Variants in SYBU observed in about 807,000 individuals in gnomAD.
SYBU encodes syntabulin.
A neutral mutation model predicts 35.9 loss-of-function variants in SYBU; 21 were observed. That is an observed-to-expected ratio of 0.58 (90% CI 0.41 to 0.84). The LOEUF is 0.84. Among genes scored for constraint, SYBU ranks in the 40% least tolerant of loss-of-function variants. The probability of loss-of-function intolerance (pLI) is 0.00; values close to 1 mark genes in which losing one functional copy is unlikely to be tolerated. For missense variants in SYBU, 768 were observed against 848.2 expected (o/e 0.91, Z 1.17); for synonymous variants, 319 against 324.3 (o/e 0.98, Z 0.18).
chr8:109,581,326 C>G (rs541403814), intron 4 of SYBU, among the ~76,000 whole-genome samples: 1 of 152,258 alleles, frequency 6.6e-6, no homozygotes, highest in Non-Finnish European at 1.5e-5. Context: ...ACATGGGGAT[C>G]AAAACACACA....
At position 109,586,116 on chromosome 8, in the gene SYBU, G is replaced by A. The variant is rs761320422; in HGVS notation, c.474C>T (p.Ser158=). The change falls in exon 4 of 7, where the codon TCC becomes TCT. Residue 158 remains serine (S), a synonymous_variant. Coordinates refer to ENST00000276646, the MANE Select transcript of SYBU (RefSeq NM_001099754.2). ...FSSSSSTGSI[S]APEVHMSTAG... is the part of the protein sequence containing the mutation. ...CAGTCGACATATGGACCTCAGGAGCGGAAATGCTGCCTGTGCTGCTCGAGG... is the reference window on the plus strand; with the variant it reads ...CAGTCGACATATGGACCTCAGGAGCAGAAATGCTGCCTGTGCTGCTCGAGG... 4.2e-5 allele frequency: 67 copies of A among 1,611,840 alleles called. No individual in the cohort carries two copies. In the South Asian group the frequency reaches 5.5e-4, roughly 13 times the overall value.
Position 109,618,927 on chromosome 8 carries a change from CT to C in SYBU, c.341del (p.Lys114ArgfsTer27). ...CACCAACCATTCCAATCGTGCATTT[CT>C]TTCTGGTGAAGCCTTCATCACTTCC... ...CPGSDEGFTR[K>X]KCTIGMVGEG... On this transcript the variant is annotated frameshift_variant, in exon 3 of 7. Coordinates refer to ENST00000276646, the MANE Select transcript of SYBU (RefSeq NM_001099754.2). LOFTEE classifies it high-confidence loss of function. 3.7e-6 allele frequency: 6 copies of C among 1,614,196 alleles called. No individual in the cohort carries two copies. Among genetic ancestry groups the C allele is most frequent in the Non-Finnish European group, 4.2e-6 (5 of 1,180,026 alleles).
upstream of SYBU, chr8:109,646,412 C>T (rs1296855230): frequency 2.0e-5 from 3 of 152,196 alleles, no homozygotes; most frequent in African/African-American, 7.2e-5. Flanking sequence ...GAATCAATTT[C>T]CCTTCTTCCT....
At chr8:109,593,701 A>C (rs1009250058) in intron 3 of SYBU, among the ~76,000 whole-genome samples, 1 of 152,226 alleles carries the variant, frequency 6.6e-6, no homozygotes, top group African/African-American at 2.4e-5. Flanking sequence ...TTATTCCATC[A>C]GTGCCAACCT....
chr8:109,614,963 T>A (rs1486280658), intron 3 of SYBU, among the ~76,000 whole-genome samples: 1 of 152,194 alleles, frequency 6.6e-6, no homozygotes, highest in Non-Finnish European at 1.5e-5. Flanking sequence ...ACAGGCTTGC[T>A]CGGCTCACCT....
intron 3 of SYBU, among the ~76,000 whole-genome samples, chr8:109,617,931 T>A (rs1563728365): frequency 6.6e-6 from 1 of 152,216 alleles, no homozygotes; most frequent in Non-Finnish European, 1.5e-5. Flanking sequence ...GTTAGCATCC[T>A]ATGGAAGAGG....
chr8:109,681,980 C>T (rs999051140), upstream of SYBU, among the ~76,000 whole-genome samples: 2 of 152,144 alleles, frequency 1.3e-5, no homozygotes, highest in Admixed American at 6.6e-5. Flanking sequence ...TGAAGAAGGA[C>T]ATGTTTACTT....
At chr8:109,611,365 T>G (rs1811148028) in intron 3 of SYBU, among the ~76,000 whole-genome samples, 1 of 152,184 alleles carries the variant, frequency 6.6e-6, no homozygotes, top group Non-Finnish European at 1.5e-5. Flanking sequence ...TTTGGCACCA[T>G]TACATCAATT....
intron 3 of SYBU, chr8:109,607,808 T>TCTCACACACACACACA: frequency 5.3e-6 from 2 of 375,454 alleles, no homozygotes; most frequent in East Asian, 8.8e-5. Context: ...CACAACTAAC[T>TCTCACACACACACACA]CACACACACA....
intron 3 of SYBU, among the ~76,000 whole-genome samples, chr8:109,603,777 G>A (rs1223730897): frequency 6.6e-6 from 1 of 152,090 alleles, no homozygotes; most frequent in Admixed American, 6.6e-5. Flanking sequence ...TATCTAAGCT[G>A]GTAACATTAT....
At chr8:109,618,704 C>T (rs192843968) in intron 3 of SYBU, 138 bp downstream of exon 3, 31 of 791,984 alleles carry the variant, frequency 3.9e-5, no homozygotes, top group Non-Finnish European at 5.7e-5. Flanking sequence ...TTCCACCCTG[C>T]CTCCTTTAAA....
intron 3 of SYBU, among the ~76,000 whole-genome samples, chr8:109,612,713 C>T (rs1811308264): frequency 7.1e-6 from 1 of 140,808 alleles, no homozygotes; most frequent in Admixed American, 6.9e-5. Context: ...AGTGCGGTGG[C>T]TCACGCCTGT....
intron 3 of SYBU, among the ~76,000 whole-genome samples, chr8:109,608,261 T>C (rs1826270265): frequency 6.6e-6 from 1 of 152,194 alleles, no homozygotes; most frequent in South Asian, 2.1e-4. Context: ...AGTAAATGCC[T>C]ACACAACAGT....
intron 2 of SYBU, among the ~76,000 whole-genome samples, chr8:109,627,906 A>G (rs1813156348): frequency 6.6e-6 from 1 of 152,210 alleles, no homozygotes. Context: ...CAAACCTTGC[A>G]TTTCTATTCC....
chr8:109,639,602 T>C (rs977579782), intron 2 of SYBU, among the ~76,000 whole-genome samples: 1 of 152,248 alleles, frequency 6.6e-6, no homozygotes, highest in African/African-American at 2.4e-5. Flanking sequence ...TACTGGAAGG[T>C]TGCGAAGCTA....
rs953683492 is a variant in SYBU, at chr8:109,644,789, A to G, written c.-130T>C. ...GGCGGCGGCTCTTGGTGAGGCTCCA[A>G]CGCGCCGCCGCCGCCACTGCCGCCG... On this transcript the variant is annotated 5_prime_UTR_variant, in exon 1 of 7. Transcript: ENST00000276646. 3 of 907,768 alleles carry G rather than the reference A, an allele frequency of 3.3e-6. No individual in the cohort carries two copies. Among genetic ancestry groups the G allele is most frequent in the Admixed American group, 4.3e-5 (1 of 23,272 alleles). The allele number at this position is 907,768 out of a possible 1,614,324, so 56.2% of individuals were successfully genotyped here.
chr8:109,683,307 T>G (rs1817446464), upstream of SYBU, among the ~76,000 whole-genome samples: 1 of 152,226 alleles, frequency 6.6e-6, no homozygotes, highest in South Asian at 2.1e-4. Context: ...CCCAAGGTCA[T>G]GGGAGCCCAC....
chr8:109,677,267 A>G (rs1426554837), intron 1 of SYBU, among the ~76,000 whole-genome samples: 3 of 152,250 alleles, frequency 2.0e-5, no homozygotes, highest in Non-Finnish European at 4.4e-5. Flanking sequence ...CAATTAAAAA[A>G]TATGAACACA....
chr8:109,653,731 G>A (rs761640871), intron 1 of SYBU, among the ~76,000 whole-genome samples: 27 of 152,036 alleles, frequency 1.8e-4, no homozygotes, highest in Non-Finnish European at 2.9e-5. Flanking sequence ...TGTACAGATG[G>A]CCATTTCTCC....
Sources: allele counts gnomAD v4.1 joint callset (sites outside exome capture counted in the v4.1 genomes callset), GRCh38; gene constraint gnomAD v4.1.1; transcripts MANE v1.5; gene names NCBI Gene and HGNC (gene_info 2026-07-23, HGNC 2026-07-21).